Variants in ASTN2 observed in about 807,000 individuals in gnomAD.
The protein encoded by ASTN2 is astrotactin 2.
A neutral mutation model predicts 139.8 loss-of-function variants in ASTN2; 54 were observed. The ratio of observed to expected loss-of-function variants is 0.39; its 90% CI spans 0.31 to 0.48. The LOEUF (loss-of-function observed/expected upper bound fraction) is 0.48. ASTN2 is among the 20% of genes least tolerant of loss of function. ASTN2 has a pLI of 0.95. For synonymous variants in ASTN2, 756 were observed against 719.5 expected (o/e 1.05, Z -0.81); for missense variants, 1,565 against 1,725.1 (o/e 0.91, Z 1.64).
intron 10 of ASTN2, among the ~76,000 whole-genome samples, chr9:116,936,580 G>A (rs1835090471): frequency 6.6e-6 from 1 of 152,180 alleles, no homozygotes; most frequent in Non-Finnish European, 1.5e-5. Context: ...TTAGATTGCT[G>A]AAACTGCAAA....
chr9:116,920,354 T>A (rs1292375518), intron 10 of ASTN2, among the ~76,000 whole-genome samples: 1 of 152,136 alleles, frequency 6.6e-6, no homozygotes, highest in Non-Finnish European at 1.5e-5. Flanking sequence ...CTCCAGCTCC[T>A]GTAAGAGGCA....
At chr9:117,048,797 A>G (rs1324512627) in intron 5 of ASTN2, among the ~76,000 whole-genome samples, 1 of 152,036 alleles carries the variant, frequency 6.6e-6, no homozygotes, top group Non-Finnish European at 1.5e-5. Flanking sequence ...TTAAAGGTGA[A>G]CTCATGTTCA....
intron 1 of ASTN2, among the ~76,000 whole-genome samples, chr9:117,294,590 A>T (rs1051349051): frequency 6.6e-6 from 1 of 152,254 alleles, no homozygotes; most frequent in African/African-American, 2.4e-5. Context: ...GAGTTAAATG[A>T]GACATAGCCT....
At chr9:116,791,901 A>C (rs1830571084) in intron 13 of ASTN2, among the ~76,000 whole-genome samples, 1 of 152,212 alleles carries the variant, frequency 6.6e-6, no homozygotes, top group Non-Finnish European at 1.5e-5. Context: ...CTGTGAAGAC[A>C]AGCAAAATGG....
Position 117,052,560 on chromosome 9 carries a change from A to G in ASTN2, c.1277-12595T>C, listed in dbSNP as rs556468810. On this transcript the variant is annotated intron_variant, in intron 5 of 22. Transcript: ENST00000313400. ...ATCAACAAATTTAAGACCAATACAT[A>G]TAAATTCTGTTGTTTGCACTCAAGA... 1.8e-3 allele frequency among the ~76,000 whole-genome samples: 274 copies of G among 152,348 alleles called. 1 individual carries two copies. Among genetic ancestry groups the G allele is most frequent in the African/African-American group, 6.4e-3 (266 of 41,564 alleles).
At chr9:116,800,877 T>TTTAC (rs1381325421) in intron 13 of ASTN2, among the ~76,000 whole-genome samples, 3 of 152,196 alleles carry the variant, frequency 2.0e-5, no homozygotes, top group African/African-American at 7.2e-5. Context: ...AAGCGCTTTG[T>TTTAC]AAAGCAGAAA....
chr9:116,891,643 G>A (rs2132388796), intron 10 of ASTN2, among the ~76,000 whole-genome samples: 1 of 152,332 alleles, frequency 6.6e-6, no homozygotes, highest in South Asian at 2.1e-4. Flanking sequence ...ATGAGTCAGA[G>A]TCACTTGATG....
At chr9:117,022,754 T>G (rs1250697027) in intron 6 of ASTN2, among the ~76,000 whole-genome samples, 1 of 151,814 alleles carries the variant, frequency 6.6e-6, no homozygotes, top group Non-Finnish European at 1.5e-5. Context: ...CAGCTGGGAG[T>G]TGGGGACTCA....
At chr9:117,329,290 A>G (rs1221816785) in intron 1 of ASTN2, among the ~76,000 whole-genome samples, 1 of 150,412 alleles carries the variant, frequency 6.6e-6, no homozygotes, top group East Asian at 2.0e-4. Flanking sequence ...GGTATGAGGT[A>G]GATACCATTC....
chr9:117,403,428 C>T lies in ASTN2; in HGVS notation c.442+11069G>A, dbSNP rs559125194. Reference sequence around the variant, plus strand: ...GGAATCCAGAATGTTTGTCAAAGGACCAGTCCTGCTCCTGAATAGTCACCC... The same window carrying T: ...GGAATCCAGAATGTTTGTCAAAGGATCAGTCCTGCTCCTGAATAGTCACCC... On this transcript the variant is annotated intron_variant, in intron 1 of 22. Transcript: ENST00000313400. Among the ~76,000 whole-genome samples, 12 of 152,300 alleles carry T rather than the reference C, an allele frequency of 7.9e-5. 1 individual carries two copies. In the South Asian group the frequency reaches 1.5e-3, roughly 18 times the overall value.
At chr9:116,941,871 A>G (rs1835240114) in intron 10 of ASTN2, among the ~76,000 whole-genome samples, 1 of 152,054 alleles carries the variant, frequency 6.6e-6, no homozygotes, top group Non-Finnish European at 1.5e-5. Flanking sequence ...AGTACTACCA[A>G]AACCAAGCAA....
At chr9:116,938,002 A>C (rs1408864554) in intron 10 of ASTN2, among the ~76,000 whole-genome samples, 1 of 152,198 alleles carries the variant, frequency 6.6e-6, no homozygotes, top group Non-Finnish European at 1.5e-5. Flanking sequence ...AACCTTTGTG[A>C]GATAGGCATT....
At chr9:117,410,851 C>T (rs1831138739) in intron 1 of ASTN2, among the ~76,000 whole-genome samples, 2 of 152,122 alleles carry the variant, frequency 1.3e-5, no homozygotes, top group African/African-American at 4.8e-5. Context: ...AAACTTTGAG[C>T]TGGAAGGGTC....
chr9:116,545,053 TCCAGCTTCCCAG>T (rs917931796), intron 19 of ASTN2, among the ~76,000 whole-genome samples: 9 of 152,144 alleles, frequency 5.9e-5, no homozygotes, highest in African/African-American at 2.2e-4. Flanking sequence ...GACAGTTCCT[TCCAGCTTCCCAG>T]CCAGCTTCCC....
chr9:116,489,329 T>TTTTTAA, intron 19 of ASTN2, among the ~76,000 whole-genome samples: 1 of 152,140 alleles, frequency 6.6e-6, no homozygotes, highest in Non-Finnish European at 1.5e-5. Flanking sequence ...ATTTATTTAT[T>TTTTTAA]TTTTAATTTT....
chr9:116,736,711 T>C (rs950468052), intron 13 of ASTN2, among the ~76,000 whole-genome samples: 14 of 152,218 alleles, frequency 9.2e-5, no homozygotes, highest in African/African-American at 3.4e-4. Flanking sequence ...TGGACTTACA[T>C]AATGGATGCA....
intron 1 of ASTN2, among the ~76,000 whole-genome samples, chr9:117,334,915 C>A (rs540934712): frequency 6.6e-6 from 1 of 152,098 alleles, no homozygotes; most frequent in Non-Finnish European, 1.5e-5. Flanking sequence ...ATTAGCCAGG[C>A]GTGGTGGCCT....
At chr9:117,057,547 T>A (rs1014102267) in intron 5 of ASTN2, among the ~76,000 whole-genome samples, 8 of 152,222 alleles carry the variant, frequency 5.3e-5, no homozygotes, top group Non-Finnish European at 8.8e-5. Context: ...ATAGAAACCC[T>A]ACTAAATTTT....
chr9:117,164,133 C>G (rs913901252), intron 3 of ASTN2, among the ~76,000 whole-genome samples: 1 of 152,070 alleles, frequency 6.6e-6, no homozygotes, highest in African/African-American at 2.4e-5. Flanking sequence ...AACATTACAT[C>G]CACTGGGTTT....
Sources: allele counts gnomAD v4.1 joint callset (sites outside exome capture counted in the v4.1 genomes callset), GRCh38; gene constraint gnomAD v4.1.1; transcripts MANE v1.5; gene names NCBI Gene and HGNC (gene_info 2026-07-23, HGNC 2026-07-21).